The following TOP1MT variants were observed in gnomAD, a reference collection of about 807,000 sequenced individuals.
TOP1MT encodes DNA topoisomerase I, mitochondrial.
A neutral mutation model predicts 73.9 loss-of-function variants in TOP1MT; 80 were observed. The ratio of observed to expected loss-of-function variants is 1.08; its 90% confidence interval spans 0.90 to 1.30. The LOEUF (loss-of-function observed/expected upper bound fraction) is 1.30. Among genes scored for constraint, TOP1MT ranks in the 50% most tolerant of loss-of-function variants. TOP1MT has a pLI of 0.00. For synonymous variants in TOP1MT, 338 were observed against 326.4 expected (o/e 1.04, Z -0.38); for missense variants, 815 against 808.0 (o/e 1.01, Z -0.10).
chr8:143,344,115 T>C lies in TOP1MT; in HGVS notation c.-39+801A>G, dbSNP rs1021018402. ...TAACACAGCTGGAAAGCAGGATTCA[T>C]AGATGGATTTCATGTGGAATCTAGG... On this transcript the variant is annotated intron_variant, in intron 1 of 5. Transcript: ENST00000518007. The surrounding 1 kb of genome is among the most constrained non-coding windows in gnomAD (Gnocchi z 4.6). 1.4e-4 allele frequency: 21 copies of C among 152,164 alleles called. No individual in the cohort carries two copies. Among genetic ancestry groups the C allele is most frequent in the African/African-American group, 4.6e-4 (19 of 41,394 alleles). The allele number at this position is 152,164 out of a possible 1,614,324, so 9.4% of individuals were successfully genotyped here.
In TOP1MT at chr8:143,321,348, C is replaced by G; in HGVS notation, c.999G>C (p.Glu333Asp). The change falls in exon 8 of 14, where the codon GAG becomes GAC. Residue 333 changes from glutamate to aspartate, a missense_variant. Glu to Asp is a conservative substitution (Grantham distance 45). Coordinates refer to ENST00000329245, the MANE Select transcript of TOP1MT (RefSeq NM_052963.3). Reference protein sequence around the residue: ...LRAGNEKEDGEAADTVGCCSL... With the variant: ...LRAGNEKEDGDAADTVGCCSL... The stretch of plus-strand genomic sequence containing the variant: ...AACAGCAGCCCACGGTGTCGGCCGC[C>G]TCACCGTCCTCCTTCTCATTTCCTG... 6.3e-7 allele frequency: 1 copy of G among 1,597,572 alleles called. No homozygotes were observed. Among genetic ancestry groups the G allele is most frequent in the Non-Finnish European group, 8.6e-7 (1 of 1,167,750 alleles).
At chr8:143,316,782 G>A (rs1047511657) in intron 10 of TOP1MT, among the ~76,000 whole-genome samples, 18 of 152,200 alleles carry the variant, frequency 1.2e-4, no homozygotes, top group Admixed American at 2.6e-4. Context: ...ACTCCTTCAC[G>A]CCCATCCTGC....
At chr8:143,331,537 GCCC>G (rs887643793) in intron 1 of TOP1MT, among the ~76,000 whole-genome samples, 198 bp from the exon 2 acceptor site, 1 of 152,158 alleles carries the variant, frequency 6.6e-6, no homozygotes, top group Non-Finnish European at 1.5e-5. Context: ...ACCCGCCCAT[GCCC>G]CCCACCTGCA....
At position 143,318,017 on chromosome 8, in the gene TOP1MT, C is replaced by T. The variant is rs755219828; in HGVS notation, c.1215+1G>A. On this transcript the variant is annotated splice_donor_variant, in intron 9 of 13. Coordinates refer to ENST00000329245, the MANE Select transcript of TOP1MT (RefSeq NM_052963.3). LOFTEE classifies it high-confidence loss of function. Reference sequence around the variant, plus strand: ...TGCTGAGGAAACACGAGCCGGCTTACGGTCAGCCTGTCGAAGAGGTCGTCC... The same window carrying T: ...TGCTGAGGAAACACGAGCCGGCTTATGGTCAGCCTGTCGAAGAGGTCGTCC... The T allele has an allele frequency of 7.4e-6, 12 of 1,613,398 alleles. No homozygotes were observed. The highest frequency in any genetic ancestry group is 3.3e-5 in the Admixed American group (2 of 59,940).
In TOP1MT at chr8:143,341,005, A is replaced by G. The variant is rs1817070006; in HGVS notation, c.29+2215T>C. 6.6e-6 allele frequency among the ~76,000 whole-genome samples: 1 copy of G among 151,372 alleles called. No individual in the cohort carries two copies. Among genetic ancestry groups the G allele is most frequent in the South Asian group, 2.1e-4 (1 of 4,794 alleles). ...GCACCTGCTCCTGGCCACGCTTCGC[A>G]CCTCTTCTGTGGGAACTGCTCTGTC... On this transcript the variant is annotated intron_variant, in intron 2 of 5. Coordinates refer to the TOP1MT transcript ENST00000518007. The surrounding 1 kb of genome is among the most constrained non-coding windows in gnomAD (Gnocchi z 4.1).
At chr8:143,310,675 C>T (rs1377659451) in intron 12 of TOP1MT, among the ~76,000 whole-genome samples, 1 of 152,254 alleles carries the variant, frequency 6.6e-6, no homozygotes, top group Admixed American at 6.5e-5. Context: ...ACATCACCCA[C>T]ACATGCAACC....
At chr8:143,340,329 T>C (rs74869015) in intron 2 of TOP1MT, among the ~76,000 whole-genome samples, 1 of 137,924 alleles carries the variant, frequency 7.3e-6, no homozygotes, top group Non-Finnish European at 1.6e-5. Context: ...CTCCCAGCAC[T>C]GGTCTACACA....
intron 8 of TOP1MT, 59 bp from the exon 9 acceptor site, chr8:143,318,145 G>A (rs1473831697): frequency 1.3e-6 from 2 of 1,537,148 alleles, no homozygotes; most frequent in Non-Finnish European, 1.8e-6. Context: ...GTGAGGACCT[G>A]AAGGGCGTCT....
In TOP1MT at chr8:143,309,727, G is replaced by A. The variant is rs765678632; in HGVS notation, c.1704-184C>T. 820 of 1,528,352 alleles carry A rather than the reference G, an allele frequency of 5.4e-4. 2 individuals are homozygous for A. Among genetic ancestry groups the A allele is most frequent in the Non-Finnish European group, 6.7e-4 (765 of 1,141,622 alleles). The allele number at this position is 1,528,352 out of a possible 1,614,324, so 94.7% of individuals were successfully genotyped here. On this transcript the variant is annotated intron_variant, in intron 13 of 13. Coordinates refer to ENST00000329245, the MANE Select transcript of TOP1MT (RefSeq NM_052963.3). ...CATGCCGCCACCCTGGAGCATCAGC[G>A]AGGTGTCAAAGACAACCTGCTGTGG...
chr8:143,323,844 C>T (rs1408481488), intron 7 of TOP1MT, among the ~76,000 whole-genome samples, 155 bp downstream of exon 7: 3 of 152,152 alleles, frequency 2.0e-5, no homozygotes, highest in Non-Finnish European at 4.4e-5. Flanking sequence ...CACATGTTCA[C>T]ACCCACACAC....
At chr8:143,357,576 T>A (rs201317364), upstream of TOP1MT, among the ~76,000 whole-genome samples, 2 of 149,544 alleles carry the variant, frequency 1.3e-5, no homozygotes, top group East Asian at 4.0e-4. Context: ...GGGCAAGGAG[T>A]CCAAGATCAG....
chr8:143,342,617 ATTAT>A lies in TOP1MT; in HGVS notation c.29+599_29+602del, dbSNP rs981438604. 9.2e-5 allele frequency among the ~76,000 whole-genome samples: 4 copies of A among 43,270 alleles called. 1 individual carries two copies. The highest frequency in any genetic ancestry group is 1.6e-4 in the Non-Finnish European group (4 of 25,804). 28.4% of individuals were successfully genotyped at this position (43,270 alleles called of 152,430 possible). A position where few individuals can be genotyped will look rare whatever the true frequency, so the allele number is the denominator to read the frequency against. ...GAGACAGAGTCTCGCTGTTATTATT[ATTAT>A]TATTAGAGACAGTCTCGCTCTATTA... On this transcript the variant is annotated intron_variant, in intron 2 of 5. Transcript: ENST00000518007.
chr8:143,341,565 C>T lies in TOP1MT; in HGVS notation c.29+1655G>A, dbSNP rs1045013113. ...CCCAGCAATGGCTGCCCTCCATGGG[C>T]CTAACAGATGCTTTTAACTCAGCTT... On this transcript the variant is annotated intron_variant, in intron 2 of 5. Coordinates refer to the TOP1MT transcript ENST00000518007. The surrounding 1 kb of genome is among the most constrained non-coding windows in gnomAD (Gnocchi z 4.1). Among the ~76,000 whole-genome samples, 1 of 152,258 alleles carries T rather than the reference C, an allele frequency of 6.6e-6. No homozygotes were observed.
upstream of TOP1MT, among the ~76,000 whole-genome samples, chr8:143,337,131 G>T (rs1213913727): frequency 6.6e-6 from 1 of 152,130 alleles, no homozygotes; most frequent in Non-Finnish European, 1.5e-5. Flanking sequence ...ATTTCATATG[G>T]TTAAGACAGC....
At chr8:143,348,530 G>A (rs1397830607), upstream of TOP1MT, among the ~76,000 whole-genome samples, 1 of 152,042 alleles carries the variant, frequency 6.6e-6, no homozygotes, top group Non-Finnish European at 1.5e-5. The surrounding 1 kb of genome is among the most constrained non-coding windows in gnomAD (Gnocchi z 4.6). Context: ...GCCCTGCAGG[G>A]GTGTGGCAGG....
upstream of TOP1MT, among the ~76,000 whole-genome samples, chr8:143,356,564 G>T (rs1250655902): frequency 6.6e-6 from 1 of 151,602 alleles, no homozygotes; most frequent in South Asian, 2.1e-4. Flanking sequence ...GAGGCGGGCG[G>T]ATCACAAGGT....
intron 7 of TOP1MT, among the ~76,000 whole-genome samples, chr8:143,322,410 C>T (rs1385929084): frequency 7.3e-6 from 1 of 136,110 alleles, no homozygotes; most frequent in Non-Finnish European, 1.5e-5. Flanking sequence ...GCTCACCACA[C>T]ACGCACGCCA....
At chr8:143,349,696 A>T (rs1411743850), upstream of TOP1MT, among the ~76,000 whole-genome samples, 2 of 149,734 alleles carry the variant, frequency 1.3e-5, no homozygotes, top group African/African-American at 5.0e-5. Context: ...GTTGGAGTGC[A>T]GTGGCATGAT....
At position 143,323,572 on chromosome 8, in the gene TOP1MT, CCA is replaced by C. The variant is rs1173392120; in HGVS notation, c.960+425_960+426del. Among the ~76,000 whole-genome samples the C allele has an allele frequency of 6.8e-4, 44 of 64,248 alleles. 3 individuals carry two copies. Among genetic ancestry groups the C allele is most frequent in the African/African-American group, 1.5e-3 (41 of 27,406 alleles). The allele number at this position is 64,248 out of a possible 152,430, so 42.1% of individuals were successfully genotyped here. On this transcript the variant is annotated intron_variant, in intron 7 of 13. Coordinates refer to ENST00000329245, the MANE Select transcript of TOP1MT (RefSeq NM_052963.3). ...CACACGCACGCCACACACATGCACG[CCA>C]CACACACAGGCACGCCACACACACA...
Sources: allele counts gnomAD v4.1 joint callset (sites outside exome capture counted in the v4.1 genomes callset), GRCh38; gene constraint gnomAD v4.1.1; non-coding constraint Gnocchi (gnomAD v3.1); transcripts MANE v1.5; gene names NCBI Gene and HGNC (gene_info 2026-07-23, HGNC 2026-07-21).